GLIS3: variants seen among roughly 807,000 people sequenced by gnomAD.
The protein encoded by GLIS3 is zinc finger protein GLIS3.
Under a neutral mutation model 78.6 loss-of-function variants are expected in GLIS3, and 53 were observed. The observed-to-expected ratio is 0.67, with a 90% CI of 0.54 to 0.85. GLIS3 has a LOEUF of 0.85. Among genes scored for constraint, GLIS3 ranks in the 40% least tolerant of loss-of-function variants. GLIS3 has a pLI of 0.00. For missense variants in GLIS3, 1,703 were observed against 1,231.1 expected, an observed-to-expected ratio of 1.38 and a Z score of -5.74; for synonymous variants, 684 against 509.9, an observed-to-expected ratio of 1.34 and a Z score of -4.60.
At chr9:3,876,000 C>T (rs1260698387) in intron 8 of GLIS3, among the ~76,000 whole-genome samples, 1 of 152,172 alleles carries the variant, frequency 6.6e-6, no homozygotes, top group Admixed American at 6.5e-5. Flanking sequence ...GTATCCACAG[C>T]TATGAAAGGC....
At position 4,156,627 on chromosome 9, in the gene GLIS3, T is replaced by C. The variant is rs556510481; in HGVS notation, c.389-30686A>G. Among the ~76,000 whole-genome samples the C allele has an allele frequency of 7.9e-5, 12 of 152,320 alleles. No homozygotes were observed. The South Asian group carries it at 1.4e-3, about 18-fold the overall frequency. On this transcript the variant is annotated intron_variant, in intron 2 of 10. Transcript: ENST00000381971. ...CCCTTCAACCCACTGGAAGATAAAA[T>C]ATCTTCTTCAGAGTTTCATTCCTTT...
the GLIS3 span, among the ~76,000 whole-genome samples, chr9:4,422,944 T>G: frequency 6.6e-6 from 1 of 152,190 alleles, no homozygotes; most frequent in Non-Finnish European, 1.5e-5. Flanking sequence ...ATTGTTGCCT[T>G]GCTATGCCCT....
At chr9:4,362,140 G>C in the GLIS3 span, among the ~76,000 whole-genome samples, 2 of 152,248 alleles carry the variant, frequency 1.3e-5, no homozygotes, top group East Asian at 1.9e-4. Context: ...CAGCTGTCAA[G>C]ACAAAACCCA....
intron 9 of GLIS3, among the ~76,000 whole-genome samples, chr9:3,840,793 C>A (rs1260663431): frequency 1.3e-5 from 2 of 152,220 alleles, no homozygotes; most frequent in Non-Finnish European, 2.9e-5. Context: ...ACAGCTCTTG[C>A]TGCCAACTTG....
chr9:4,032,615 AAAAC>A (rs1823938661), intron 4 of GLIS3, among the ~76,000 whole-genome samples: 1 of 152,212 alleles, frequency 6.6e-6, no homozygotes, highest in African/African-American at 2.4e-5. Flanking sequence ...TGCAACAAGG[AAAAC>A]ATACGCAACG....
chr9:4,054,139 T>A (rs184191276), intron 4 of GLIS3: 1 of 155,942 alleles, frequency 6.4e-6, no homozygotes, highest in Admixed American at 6.5e-5. Flanking sequence ...ACACAATAGC[T>A]TGGAGAGGTT....
chr9:4,384,100 G>A, the GLIS3 span, among the ~76,000 whole-genome samples: 3 of 152,176 alleles, frequency 2.0e-5, no homozygotes, highest in African/African-American at 7.2e-5. Context: ...AGAAGTTGTG[G>A]CCTTTGGGGG....
At chr9:3,889,483 T>C (rs1822283542) in intron 7 of GLIS3, among the ~76,000 whole-genome samples, 1 of 152,202 alleles carries the variant, frequency 6.6e-6, no homozygotes. Flanking sequence ...ACTACTAAAG[T>C]ATTTGCTAAA....
rs566026685 is a variant in GLIS3 at position 3,902,433 on chromosome 9, C to CA, written c.1984-3599dup. Among the ~76,000 whole-genome samples the CA allele has an allele frequency of 7.9e-5, 12 of 152,220 alleles. 1 individual carries two copies. The East Asian group carries it at 2.1e-3, about 27-fold the overall frequency. On this transcript the variant is annotated intron_variant, in intron 6 of 10. Transcript: ENST00000381971. Reference sequence around the variant, plus strand: ...AGAATCTCTTGGGAGGGGTGTCTTTCAATGTAACATAGTTTTATATTTGGA... The same window carrying CA: ...AGAATCTCTTGGGAGGGGTGTCTTTCAAATGTAACATAGTTTTATATTTGGA...
At chr9:4,186,098 C>T (rs917489158) in intron 2 of GLIS3, among the ~76,000 whole-genome samples, 2 of 151,502 alleles carry the variant, frequency 1.3e-5, no homozygotes, top group Admixed American at 6.6e-5. Flanking sequence ...GTGCTGCACA[C>T]ATTAACTCGT....
intron 2 of GLIS3, among the ~76,000 whole-genome samples, chr9:4,328,209 C>T (rs1817631091): frequency 6.6e-6 from 1 of 152,196 alleles, no homozygotes; most frequent in Admixed American, 6.5e-5. Flanking sequence ...TAACCCTTTG[C>T]AGCTTCAGAG....
intron 4 of GLIS3, among the ~76,000 whole-genome samples, chr9:3,946,043 G>C (rs1360693348): frequency 6.6e-6 from 1 of 152,100 alleles, no homozygotes; most frequent in Non-Finnish European, 1.5e-5. Context: ...ACTACTTCCT[G>C]TGCCTGGTAA....
intron 4 of GLIS3, among the ~76,000 whole-genome samples, chr9:4,025,578 G>A (rs1363393373): frequency 6.6e-6 from 1 of 152,036 alleles, no homozygotes; most frequent in Admixed American, 6.5e-5. Context: ...AGTAGAGACG[G>A]GGTTTCACCA....
At chr9:3,874,607 G>C (rs1241074340) in intron 8 of GLIS3, among the ~76,000 whole-genome samples, 1 of 152,136 alleles carries the variant, frequency 6.6e-6, no homozygotes, top group African/African-American at 2.4e-5. Flanking sequence ...CTGTGGAACT[G>C]TGTCCTCAAC....
intron 4 of GLIS3, among the ~76,000 whole-genome samples, chr9:4,106,445 G>T (rs560038639): frequency 1.2e-4 from 18 of 152,244 alleles, no homozygotes; most frequent in African/African-American, 4.3e-4. Flanking sequence ...CTGTGGTATT[G>T]CATGATGTTT....
intron 7 of GLIS3, 79 bp downstream of exon 7, chr9:3,898,611 TC>T: frequency 6.3e-7 from 1 of 1,576,124 alleles, no homozygotes; most frequent in Non-Finnish European, 8.7e-7. Context: ...AAAATTTTTC[TC>T]ACGTGAGCAT....
intron 4 of GLIS3, among the ~76,000 whole-genome samples, chr9:3,958,738 A>C (rs1817332866): frequency 6.6e-6 from 1 of 152,250 alleles, no homozygotes; most frequent in South Asian, 2.1e-4. Context: ...ATATAATAAA[A>C]GATACAAGTA....
At chr9:4,154,824 A>G (rs1012294834) in intron 2 of GLIS3, among the ~76,000 whole-genome samples, 1 of 152,216 alleles carries the variant, frequency 6.6e-6, no homozygotes, top group Non-Finnish European at 1.5e-5. Flanking sequence ...ACATATTTAG[A>G]CATTTAGACC....
At position 4,158,296 on chromosome 9, in the gene GLIS3, A is replaced by G. The variant is rs150721931; in HGVS notation, c.389-32355T>C. On this transcript the variant is annotated intron_variant, in intron 2 of 10. Coordinates refer to ENST00000381971, the MANE Select transcript of GLIS3 (RefSeq NM_001042413.2). ...GTAGCATGAAAGAGACGTTTTCAGT[A>G]AACACATGTTTGCCATATCCCTGAT... Among the ~76,000 whole-genome samples, 27 of 152,308 alleles carry G rather than the reference A, an allele frequency of 1.8e-4. No individual in the cohort carries two copies. In the East Asian group the frequency reaches 4.4e-3, roughly 25 times the overall value.
Sources: gnomAD v4.1 joint callset for allele counts (sites outside exome capture counted in the v4.1 genomes callset) on GRCh38, gnomAD v4.1.1 for gene constraint, MANE v1.5 for transcripts, NCBI Gene and HGNC (gene_info 2026-07-23, HGNC 2026-07-21) for gene names.